The following MIR2052HG variants were observed in gnomAD, a reference collection of about 807,000 sequenced individuals.
MIR2052HG encodes the protein MIR2052 host gene.
At chr8:74,673,903 A>T (rs1809020405) in intron 2 of MIR2052HG, among the ~76,000 whole-genome samples, 1 of 139,744 alleles carries the variant, frequency 7.2e-6, no homozygotes, top group Admixed American at 6.9e-5. Flanking sequence ...ATATATATAT[A>T]TATATATACA....
At chr8:74,662,203 G>T (rs1808872676) in intron 2 of MIR2052HG, among the ~76,000 whole-genome samples, 1 of 152,100 alleles carries the variant, frequency 6.6e-6, no homozygotes, top group Non-Finnish European at 1.5e-5. Context: ...TTTTTCAATG[G>T]TCAGAAGTTG....
At chr8:74,616,245 C>T (rs1440371368) in intron 2 of MIR2052HG, among the ~76,000 whole-genome samples, 1 of 151,660 alleles carries the variant, frequency 6.6e-6, no homozygotes, top group Non-Finnish European at 1.5e-5. Context: ...TAAAAGTGTT[C>T]CTATTTCTCC....
intron 2 of MIR2052HG, among the ~76,000 whole-genome samples, chr8:74,654,119 C>G (rs1044994743): frequency 5.3e-5 from 8 of 152,070 alleles, no homozygotes; most frequent in Admixed American, 4.6e-4. Flanking sequence ...CTGAGAGAAT[C>G]GTATTTGGGG....
intron 4 of MIR2052HG, among the ~76,000 whole-genome samples, chr8:74,735,390 A>T (rs559035177): frequency 3.3e-5 from 5 of 152,282 alleles, no homozygotes; most frequent in Non-Finnish European, 5.9e-5. Context: ...ACTGAAGGGG[A>T]TCTTAGAAAG....
At chr8:74,715,716 T>A (rs1375035698) in intron 4 of MIR2052HG, among the ~76,000 whole-genome samples, 1 of 152,152 alleles carries the variant, frequency 6.6e-6, no homozygotes, top group African/African-American at 2.4e-5. Context: ...GGATATTGCT[T>A]GCCAGGAACA....
chr8:74,732,530 T>C (rs1809702948), intron 4 of MIR2052HG, among the ~76,000 whole-genome samples: 1 of 152,196 alleles, frequency 6.6e-6, no homozygotes, highest in South Asian at 2.1e-4. Context: ...ATTCCTATCC[T>C]TACAGAGCTT....
At chr8:74,631,654 C>G (rs1384798858) in intron 2 of MIR2052HG, among the ~76,000 whole-genome samples, 1 of 152,140 alleles carries the variant, frequency 6.6e-6, no homozygotes, top group Admixed American at 6.5e-5. Flanking sequence ...AACCCTCTGT[C>G]TTAGTTTGGG....
intron 2 of MIR2052HG, among the ~76,000 whole-genome samples, chr8:74,613,256 A>G (rs1808226879): frequency 6.6e-6 from 1 of 152,194 alleles, no homozygotes; most frequent in Non-Finnish European, 1.5e-5. Context: ...ACATCACACA[A>G]TATTGTAGAC....
chr8:74,721,208 A>G (rs944865004), intron 4 of MIR2052HG, among the ~76,000 whole-genome samples: 1 of 152,150 alleles, frequency 6.6e-6, no homozygotes. Context: ...TGGGGGTTGC[A>G]GGAAGGGAAA....
intron 2 of MIR2052HG, among the ~76,000 whole-genome samples, chr8:74,620,238 T>C (rs887905399): frequency 6.6e-6 from 1 of 152,232 alleles, no homozygotes; most frequent in Non-Finnish European, 1.5e-5. Context: ...TCCTGGCTGC[T>C]TTCACTGCTG....
At chr8:74,737,777 T>G (rs2128755445) in intron 4 of MIR2052HG, among the ~76,000 whole-genome samples, 1 of 152,294 alleles carries the variant, frequency 6.6e-6, no homozygotes, top group African/African-American at 2.4e-5. Flanking sequence ...CAATGAAATC[T>G]TCAGACTTTT....
chr8:74,707,454 G>A (rs115581355), intron 4 of MIR2052HG, among the ~76,000 whole-genome samples: 3,108 of 152,206 alleles, frequency 0.02, 92 homozygotes, highest in African/African-American at 0.069. Context: ...AAGTCAGACA[G>A]GTTAAGCAAC....
intron 2 of MIR2052HG, among the ~76,000 whole-genome samples, chr8:74,670,384 G>T (rs779432920): frequency 6.6e-6 from 1 of 152,112 alleles, no homozygotes; most frequent in South Asian, 2.1e-4. Flanking sequence ...CGGTAATATG[G>T]CAGGCTATAT....
At chr8:74,652,270 C>T (rs1028119640) in intron 2 of MIR2052HG, among the ~76,000 whole-genome samples, 18 of 152,276 alleles carry the variant, frequency 1.2e-4, no homozygotes, top group African/African-American at 3.8e-4. Flanking sequence ...TGAATGTGGC[C>T]ATATGACTTA....
intron 2 of MIR2052HG, among the ~76,000 whole-genome samples, chr8:74,629,231 GT>G (rs1293730625): frequency 6.6e-6 from 1 of 152,114 alleles, no homozygotes; most frequent in African/African-American, 2.4e-5. Context: ...ACGGTAAACT[GT>G]TAAATATATT....
intron 2 of MIR2052HG, among the ~76,000 whole-genome samples, chr8:74,632,028 C>A (rs913030490): frequency 6.6e-6 from 1 of 152,142 alleles, no homozygotes; most frequent in Admixed American, 6.5e-5. Context: ...AACATTTAGA[C>A]CATAGCAGCC....
chr8:74,667,269 G>A (rs1808939791), intron 2 of MIR2052HG, among the ~76,000 whole-genome samples: 1 of 152,146 alleles, frequency 6.6e-6, no homozygotes, highest in African/African-American at 2.4e-5. Context: ...TACAAGTGAG[G>A]GAGCAGGGCT....
chr8:74,620,032 A>G (rs559996889), intron 2 of MIR2052HG, among the ~76,000 whole-genome samples: 17 of 152,348 alleles, frequency 1.1e-4, no homozygotes, highest in Non-Finnish European at 2.4e-4. Flanking sequence ...AGCCATTCCA[A>G]TGGGAGAAAT....
chr8:74,657,191 A>C (rs371168858), intron 2 of MIR2052HG, among the ~76,000 whole-genome samples: 2 of 152,198 alleles, frequency 1.3e-5, no homozygotes, highest in South Asian at 4.1e-4. Context: ...GTGGGCAGGA[A>C]GGAGCTATCA....
Sources: gnomAD v4.1 joint callset for allele counts (sites outside exome capture counted in the v4.1 genomes callset) on GRCh38, gnomAD v4.1.1 for gene constraint, MANE v1.5 for transcripts, NCBI Gene and HGNC (gene_info 2026-07-23, HGNC 2026-07-21) for gene names.